FAM168A: variants seen among roughly 807,000 people sequenced by gnomAD.
The protein encoded by FAM168A is family with sequence similarity 168 member A, also known as protein FAM168A.
In FAM168A, 3 loss-of-function variants were observed where a neutral mutation model predicts 28.5. The ratio of observed to expected loss-of-function variants is 0.11; its 90% CI spans 0.05 to 0.27. The LOEUF is 0.27. FAM168A is among the 10% of genes least tolerant of loss of function. The pLI, the probability that FAM168A is intolerant of heterozygous loss-of-function variation, is 1.00. For synonymous variants in FAM168A, 122 were observed against 124.2 expected (o/e 0.98, Z 0.12); for missense variants, 222 against 311.5 (o/e 0.71, Z 2.16).
intron 2 of FAM168A, among the ~76,000 whole-genome samples, chr11:73,436,634 T>C (rs924296266): frequency 6.6e-6 from 1 of 152,202 alleles, no homozygotes. Flanking sequence ...CTATATCTGA[T>C]TTAATCTCTA....
intron 1 of FAM168A, among the ~76,000 whole-genome samples, chr11:73,555,267 G>C (rs951813796): frequency 1.3e-5 from 2 of 152,168 alleles, no homozygotes; most frequent in African/African-American, 4.8e-5. Flanking sequence ...AAGCCAAGCA[G>C]CTATACATGA....
Position 73,468,409 on chromosome 11 carries a change from G to A in FAM168A, c.66C>T (p.Tyr22=). Residue 22 remains tyrosine (Y), a synonymous_variant, in exon 2 of 8, where the codon TAC becomes TAT. Coordinates refer to ENST00000356467, the MANE Select transcript of FAM168A (RefSeq NM_015159.3). The part of the protein sequence containing the change: ...APYGNPKNMA[Y]TGYPTAYPAA... ...AGCCATTCTCACACTACTCACCCGT[G>A]TAGGCCATGTTCTTAGGGTTGCCAT... 6.2e-7 allele frequency: 1 copy of A among 1,614,012 alleles called. No individual in the cohort carries two copies. Among genetic ancestry groups the A allele is most frequent in the Non-Finnish European group, 8.5e-7 (1 of 1,179,914 alleles).
chr11:73,542,088 T>C (rs183123151), intron 1 of FAM168A, among the ~76,000 whole-genome samples: 1 of 152,296 alleles, frequency 6.6e-6, no homozygotes, highest in Non-Finnish European at 1.5e-5. Flanking sequence ...TGTTAGAGTG[T>C]CCAGAGTTTG....
chr11:73,487,628 T>C (rs1297018669), intron 1 of FAM168A, among the ~76,000 whole-genome samples: 2 of 152,140 alleles, frequency 1.3e-5, no homozygotes, highest in African/African-American at 4.8e-5. Flanking sequence ...AGTTATCTGA[T>C]CTCTCCTCCA....
At chr11:73,562,543 T>C (rs537402033) in intron 1 of FAM168A, among the ~76,000 whole-genome samples, 14 of 152,148 alleles carry the variant, frequency 9.2e-5, no homozygotes, top group East Asian at 1.9e-4. Context: ...GAATAGAAGG[T>C]TGGCCTGGCA....
intron 2 of FAM168A, among the ~76,000 whole-genome samples, chr11:73,462,867 A>AAAGAGAAGAGAAGAGAGGAGAGGAG (rs1339018709): frequency 9.2e-5 from 14 of 151,862 alleles, no homozygotes; most frequent in Middle Eastern, 6.8e-3. Context: ...AGTCAGAAGA[A>AAAGAGAAGAGAAGAGAGGAGAGGAG]AAGAGAAGAG....
chr11:73,591,037 A>T (rs548994534), intron 1 of FAM168A, among the ~76,000 whole-genome samples: 29 of 152,292 alleles, frequency 1.9e-4, no homozygotes, highest in African/African-American at 7.0e-4. Flanking sequence ...CTAGCTACTC[A>T]AGAGGCTAAG....
chr11:73,580,561 TG>T, intron 1 of FAM168A: 1 of 542,172 alleles, frequency 1.8e-6, no homozygotes, highest in South Asian at 1.5e-5. Context: ...TTCTGGTGAC[TG>T]TACAGTTTGA....
Position 73,563,425 on chromosome 11 carries a change from A to T in FAM168A, c.-19+34498T>A, listed in dbSNP as rs117101179. ...ATCTGGCCCAATAAACGTATGCAAT[A>T]AACTGTAGCTGCTATTGTCATCACT... On this transcript the variant is annotated intron_variant, in intron 1 of 7. Transcript: ENST00000356467. 5.9e-3 allele frequency among the ~76,000 whole-genome samples: 892 copies of T among 152,344 alleles called. 8 individuals are homozygous for T. Among genetic ancestry groups the T allele is most frequent in the Middle Eastern group, 0.027 (8 of 294 alleles).
At chr11:73,468,578 C>A in intron 1 of FAM168A, 86 bp from the exon 2 acceptor site, 1 of 1,151,212 alleles carries the variant, frequency 8.7e-7, no homozygotes. Context: ...TTCAGTTTTC[C>A]CTGAAAGGAA....
intron 2 of FAM168A, among the ~76,000 whole-genome samples, chr11:73,465,954 G>T (rs1303087202): frequency 6.6e-6 from 1 of 151,468 alleles, no homozygotes; most frequent in Non-Finnish European, 1.5e-5. Flanking sequence ...CGGTAAAGGG[G>T]CTTTAAAAGG....
At chr11:73,499,623 C>T (rs1854964471) in intron 1 of FAM168A, among the ~76,000 whole-genome samples, 1 of 151,964 alleles carries the variant, frequency 6.6e-6, no homozygotes, top group South Asian at 2.1e-4. Flanking sequence ...AGCTAAGAAC[C>T]TTGATAAAAG....
At chr11:73,446,158 C>T (rs1275486518) in intron 2 of FAM168A, among the ~76,000 whole-genome samples, 2 of 152,188 alleles carry the variant, frequency 1.3e-5, no homozygotes, top group African/African-American at 4.8e-5. Context: ...TAACTCAGGC[C>T]TCATCTTAAC....
intron 2 of FAM168A, among the ~76,000 whole-genome samples, chr11:73,464,634 G>C (rs990309868): frequency 6.6e-6 from 1 of 152,166 alleles, no homozygotes; most frequent in Non-Finnish European, 1.5e-5. Flanking sequence ...GACCCAGATG[G>C]GGAGACATGG....
In FAM168A at chr11:73,555,102, G is replaced by A. The variant is rs1383633196; in HGVS notation, c.-19+42821C>T. Among the ~76,000 whole-genome samples the A allele has an allele frequency of 2.0e-5, 3 of 152,176 alleles. No individual in the cohort carries two copies. In the East Asian group the frequency reaches 5.8e-4, roughly 29 times the overall value. ...AAGGGCATTCTAGGAAAAAGGGAGA[G>A]CCTAGAGAATAGAAACAGCTTAACA... On this transcript the variant is annotated intron_variant, in intron 1 of 7. Coordinates refer to ENST00000356467, the MANE Select transcript of FAM168A (RefSeq NM_015159.3).
chr11:73,473,592 T>C (rs1867845066), intron 1 of FAM168A, among the ~76,000 whole-genome samples: 1 of 152,194 alleles, frequency 6.6e-6, no homozygotes, highest in Admixed American at 6.5e-5. Context: ...AATGACTTCC[T>C]TGTTGTTCCC....
intron 1 of FAM168A, among the ~76,000 whole-genome samples, chr11:73,538,803 G>A (rs1316761886): frequency 6.6e-6 from 1 of 152,168 alleles, no homozygotes; most frequent in African/African-American, 2.4e-5. Context: ...CCTCTAAACA[G>A]AGCGTCCCCA....
At chr11:73,468,852 T>C (rs911951415) in intron 1 of FAM168A, among the ~76,000 whole-genome samples, 7 of 152,360 alleles carry the variant, frequency 4.6e-5, no homozygotes, top group Admixed American at 1.3e-4. Flanking sequence ...TGATATAAAA[T>C]GAATTAGTTT....
chr11:73,408,568 C>T (rs1274094678), intron 6 of FAM168A, among the ~76,000 whole-genome samples: 1 of 152,046 alleles, frequency 6.6e-6, no homozygotes, highest in Non-Finnish European at 1.5e-5. Flanking sequence ...CCCTTGAGCC[C>T]AAGAGTTCAA....
Sources: gnomAD v4.1 joint callset for allele counts (sites outside exome capture counted in the v4.1 genomes callset) on GRCh38, gnomAD v4.1.1 for gene constraint, MANE v1.5 for transcripts, NCBI Gene and HGNC (gene_info 2026-07-23, HGNC 2026-07-21) for gene names.